Variants in ZNF93 observed in about 807,000 individuals in gnomAD.
ZNF93 encodes the protein zinc finger protein 505.
In ZNF93, 29 loss-of-function variants were observed where a neutral mutation model predicts 45.0. That is an observed-to-expected ratio of 0.64 (90% CI 0.48 to 0.88). ZNF93 has a LOEUF of 0.88. Ranked by LOEUF, ZNF93 falls within the 40% of genes least tolerant of loss-of-function variation. ZNF93 has a pLI of 0.00. For missense variants in ZNF93, 578 were observed against 724.0 expected, an observed-to-expected ratio of 0.80 and a Z score of 2.31; for synonymous variants, 223 against 244.6, an observed-to-expected ratio of 0.91 and a Z score of 0.82.
chr19:19,930,013 C>T (rs2063368574), intron 3 of ZNF93, among the ~76,000 whole-genome samples: 11 of 151,136 alleles, frequency 7.3e-5, no homozygotes, highest in Admixed American at 7.2e-4. Context: ...ACAGCTGGGC[C>T]CGGGGGACCA....
chr19:19,922,229 C>A (rs905010569), intron 3 of ZNF93, among the ~76,000 whole-genome samples: 2 of 152,146 alleles, frequency 1.3e-5, no homozygotes, highest in Non-Finnish European at 2.9e-5. Flanking sequence ...GTATGAAATT[C>A]TGGGTTAAAA....
intron 1 of ZNF93, chr19:19,908,869 A>AAAAAATT (rs71172546): frequency 6.7e-6 from 1 of 148,804 alleles, no homozygotes; most frequent in African/African-American, 2.7e-5. Context: ...AAAAAAAAAA[A>AAAAAATT]TCTTGCTCAG....
chr19:19,918,342 A>G (rs1444780369), intron 3 of ZNF93, among the ~76,000 whole-genome samples: 2 of 152,074 alleles, frequency 1.3e-5, no homozygotes, highest in Admixed American at 1.3e-4. Flanking sequence ...TTCTTAATCC[A>G]GTCTATCATT....
chr19:19,934,999 C>G lies in ZNF93; in HGVS notation c.*181C>G. The G allele has an allele frequency of 1.6e-6, 1 of 645,120 alleles. No homozygotes were observed. The highest frequency in any genetic ancestry group is 2.8e-5 in the East Asian group (1 of 35,774). 40.0% of individuals were successfully genotyped at this position (645,120 alleles called of 1,614,324 possible). ...CAGCCATGTAGGCAGGCCTGCAGAC[C>G]TTGGCCTTTACTACGGTACCTGAAG... On this transcript the variant is annotated 3_prime_UTR_variant, in exon 4 of 4. Coordinates refer to ENST00000343769, the MANE Select transcript of ZNF93 (RefSeq NM_031218.4).
intron 1 of ZNF93, among the ~76,000 whole-genome samples, chr19:19,912,992 T>G (rs2063313740): frequency 6.6e-6 from 1 of 152,320 alleles, no homozygotes; most frequent in South Asian, 2.1e-4. Flanking sequence ...GCAAAAAATA[T>G]AAAACTTTTA....
At chr19:19,919,651 CT>C in intron 3 of ZNF93, among the ~76,000 whole-genome samples, 1 of 152,116 alleles carries the variant, frequency 6.6e-6, no homozygotes, top group Non-Finnish European at 1.5e-5. Flanking sequence ...TGTAGTTCTC[CT>C]TGAAAAGATC....
In ZNF93 at chr19:19,934,989, G is replaced by A. The variant is rs2063388789; in HGVS notation, c.*171G>A. The A allele has an allele frequency of 1.4e-6, 1 of 696,920 alleles. No homozygotes were observed. The highest frequency in any genetic ancestry group is 2.3e-6 in the Non-Finnish European group (1 of 435,604). 43.2% of individuals were successfully genotyped at this position (696,920 alleles called of 1,614,324 possible). A position where few individuals can be genotyped will look rare whatever the true frequency, so the allele number is the denominator to read the frequency against. ...GGCCCATTTACAGCCATGTAGGCAG[G>A]CCTGCAGACCTTGGCCTTTACTACG... On this transcript the variant is annotated 3_prime_UTR_variant, in exon 4 of 4. Coordinates refer to ENST00000343769, the MANE Select transcript of ZNF93 (RefSeq NM_031218.4).
chr19:19,909,798 C>A (rs1214018834), intron 1 of ZNF93, among the ~76,000 whole-genome samples: 1 of 152,194 alleles, frequency 6.6e-6, no homozygotes, highest in Non-Finnish European at 1.5e-5. Context: ...GTAGAGGGGA[C>A]TTTCCCTCTC....
chr19:19,911,631 A>ATGGT (rs1213658043), intron 1 of ZNF93, among the ~76,000 whole-genome samples: 3 of 152,306 alleles, frequency 2.0e-5, no homozygotes, highest in Non-Finnish European at 4.4e-5. Context: ...TGTGCATCAT[A>ATGGT]TGGTTGGTAT....
intron 1 of ZNF93, among the ~76,000 whole-genome samples, chr19:19,905,808 T>G (rs983384400): frequency 6.6e-6 from 1 of 151,992 alleles, no homozygotes; most frequent in Non-Finnish European, 1.5e-5. Flanking sequence ...GCCAGGCTGG[T>G]CTCAAACTTC....
rs140469996 is a variant in ZNF93, at chr19:19,934,031, A to T, written c.1076A>T (p.His359Leu). The T allele has an allele frequency of 4.2e-5, 68 of 1,613,340 alleles. No homozygotes were observed. The African/African-American group carries it at 6.5e-4, about 16-fold the overall frequency. The change falls in exon 4 of 4, where the codon CAT becomes CTT. Residue 359 changes from histidine to leucine, a missense_variant. By Grantham distance (99) the His-to-Leu change is moderately conservative. Transcript: ENST00000343769. Reference protein sequence around the residue: ...AFIASSTLSRHEFIHMGKKHY... With the variant: ...AFIASSTLSRLEFIHMGKKHY... ...ATTGCATCCTCAACCCTTAGTAGAC[A>T]TGAGTTCATTCATATGGGAAAGAAA...
intron 1 of ZNF93, among the ~76,000 whole-genome samples, chr19:19,906,603 G>GTTTC (rs1484645646): frequency 2.0e-5 from 3 of 151,948 alleles, no homozygotes; most frequent in Admixed American, 2.0e-4. Context: ...GTCTTTGCCG[G>GTTTC]TTTCTGTGTC....
chr19:19,934,792 A>G lies in ZNF93; in HGVS notation c.1837A>G (p.Ile613Val), dbSNP rs529680326. 2 of 1,599,026 alleles carry G rather than the reference A, an allele frequency of 1.3e-6. No individual in the cohort carries two copies. The highest frequency in any genetic ancestry group is 1.1e-5 in the South Asian group (1 of 88,678). Residue 613 changes from isoleucine (I) to valine (V), a missense_variant, in exon 4 of 4, where the codon ATA becomes GTA. Around this residue, in one of 3 missense-constraint regions of ZNF93, gnomAD observed 119 missense variants for 123.1 expected, o/e 0.97. Coordinates refer to ENST00000343769, the MANE Select transcript of ZNF93 (RefSeq NM_031218.4). ...ISPSSLSRHE[I>V]IHTGEKP ...ACCCTCAAGCCTTAGTAGACATGAG[A>G]TAATTCATACTGGGGAGAAACCCTA...
At chr19:19,931,917 CT>C (rs1236189896) in intron 3 of ZNF93, 1 of 321,800 alleles carries the variant, frequency 3.1e-6, no homozygotes, top group African/African-American at 2.3e-5. Context: ...ATATTTTAAT[CT>C]CATAACAACT....
At chr19:19,916,752 G>A in intron 3 of ZNF93, 97 bp downstream of exon 3, 1 of 893,398 alleles carries the variant, frequency 1.1e-6, no homozygotes, top group Non-Finnish European at 1.7e-6. Flanking sequence ...GGGAAGCTGT[G>A]TTCCAAAGGA....
intron 1 of ZNF93, among the ~76,000 whole-genome samples, chr19:19,902,986 G>A (rs888301215): frequency 6.6e-6 from 1 of 152,030 alleles, no homozygotes; most frequent in African/African-American, 2.4e-5. Context: ...TGGTCCACCC[G>A]CCTCGGCCTC....
intron 1 of ZNF93, among the ~76,000 whole-genome samples, chr19:19,910,298 G>A (rs564086399): frequency 9.9e-5 from 15 of 152,204 alleles, no homozygotes; most frequent in African/African-American, 3.6e-4. Context: ...GTACTGTTAT[G>A]TCTTTCTCCC....
Sources: gnomAD v4.1 joint callset for allele counts (sites outside exome capture counted in the v4.1 genomes callset) on GRCh38, gnomAD v4.1.1 for gene constraint, gnomAD v4.1.1 regional missense constraint, MANE v1.5 for transcripts, NCBI Gene and HGNC (gene_info 2026-07-23, HGNC 2026-07-21) for gene names.